The following LDLRAD4 variants were observed in gnomAD, a reference collection of about 807,000 sequenced individuals.
LDLRAD4 encodes the protein low-density lipoprotein receptor class A domain-containing protein 4.
In LDLRAD4, 5 loss-of-function variants were observed where a neutral mutation model predicts 17.0. The ratio of observed to expected loss-of-function variants is 0.29; its 90% CI spans 0.15 to 0.62. LDLRAD4 has a LOEUF of 0.62. Ranked by LOEUF, LDLRAD4 falls within the 20% of genes least tolerant of loss-of-function variation. The pLI, the probability that LDLRAD4 is intolerant of heterozygous loss-of-function variation, is 0.84. For missense variants in LDLRAD4, 340 were observed against 424.7 expected (o/e 0.80, Z 1.75); for synonymous variants, 168 against 171.8 (o/e 0.98, Z 0.17).
chr18:13,368,994 G>A (rs543488693), intron 1 of LDLRAD4, among the ~76,000 whole-genome samples: 8 of 152,142 alleles, frequency 5.3e-5, no homozygotes, highest in Non-Finnish European at 7.3e-5. Flanking sequence ...GTGAGCCACC[G>A]TGCCAGGCCA....
intron 3 of LDLRAD4, among the ~76,000 whole-genome samples, chr18:13,609,137 A>G (rs1156304300): frequency 6.6e-6 from 1 of 152,228 alleles, no homozygotes; most frequent in African/African-American, 2.4e-5. Flanking sequence ...ACACTTTCAT[A>G]TTTGTGTGTT....
intron 1 of LDLRAD4, among the ~76,000 whole-genome samples, chr18:13,352,712 G>A (rs1397545807): frequency 6.6e-6 from 1 of 151,914 alleles, no homozygotes; most frequent in Non-Finnish European, 1.5e-5. Flanking sequence ...CTCGTAACAT[G>A]TATACTTGTT....
chr18:13,250,804 A>G (rs1040466302), intron 1 of LDLRAD4, among the ~76,000 whole-genome samples: 15 of 152,238 alleles, frequency 9.9e-5, no homozygotes, highest in Admixed American at 9.2e-4. Flanking sequence ...AAACCTTTAA[A>G]GAAGAATTCA....
intron 1 of LDLRAD4, among the ~76,000 whole-genome samples, chr18:13,370,720 T>TTTTTTTTTTGTTTTG (rs2084425539): frequency 8.0e-6 from 1 of 124,582 alleles, no homozygotes; most frequent in African/African-American, 4.6e-5. Flanking sequence ...TTTGTTTTTT[T>TTTTTTTTTTGTTTTG]TTTTTTTTGA....
chr18:13,346,096 C>G (rs990105118), intron 1 of LDLRAD4, among the ~76,000 whole-genome samples: 2 of 152,124 alleles, frequency 1.3e-5, no homozygotes, highest in African/African-American at 4.8e-5. Flanking sequence ...CTGCCCTGAT[C>G]TTAGTTATTT....
intron 3 of LDLRAD4, among the ~76,000 whole-genome samples, chr18:13,496,059 CT>C (rs1307378747): frequency 3.3e-5 from 5 of 152,134 alleles, no homozygotes; most frequent in Admixed American, 2.0e-4. Context: ...GGAGATTTGG[CT>C]GCGTATAGAG....
exon 6 of LDLRAD4, chr18:13,651,786 A>G (rs1301590165): frequency 6.6e-6 from 1 of 152,232 alleles, no homozygotes; most frequent in Admixed American, 6.5e-5. Context: ...ACCAGAGTAG[A>G]GTCTAATAAA....
chr18:13,541,953 A>G (rs542978097), intron 3 of LDLRAD4, among the ~76,000 whole-genome samples: 2 of 152,182 alleles, frequency 1.3e-5, no homozygotes, highest in African/African-American at 2.4e-5. Flanking sequence ...GTACATGTCT[A>G]TGGTCCCAGC....
intron 2 of LDLRAD4, among the ~76,000 whole-genome samples, chr18:13,429,960 A>ATCCTGGG (rs61488097): frequency 5.9e-5 from 9 of 152,122 alleles, no homozygotes; most frequent in African/African-American, 1.4e-4. Flanking sequence ...GGAGGCCGGT[A>ATCCTGGG]TCCTGGGTCC....
At chr18:13,315,527 C>G (rs1261835603) in intron 1 of LDLRAD4, among the ~76,000 whole-genome samples, 1 of 152,118 alleles carries the variant, frequency 6.6e-6, no homozygotes. Context: ...GGCGTGGTGG[C>G]TCACACCAGC....
At chr18:13,289,665 G>A (rs370638667) in intron 1 of LDLRAD4, among the ~76,000 whole-genome samples, 6 of 152,306 alleles carry the variant, frequency 3.9e-5, no homozygotes, top group South Asian at 4.1e-4. Context: ...TTATGGGGCC[G>A]TCTGTCTCTA....
rs184030549 is a variant in LDLRAD4, at chr18:13,548,045, G to A, written c.182-73072G>A. Among the ~76,000 whole-genome samples, 53 of 152,260 alleles carry A rather than the reference G, an allele frequency of 3.5e-4. 1 individual carries two copies. Among genetic ancestry groups the A allele is most frequent in the Admixed American group, 9.1e-4 (14 of 15,304 alleles). ...TGACAGTATAGTTCTCATGAGTCCC[G>A]AGGTGGGTAGCTCCTATCCACAGGC... is the stretch of plus-strand genomic sequence containing the variant. On this transcript the variant is annotated intron_variant, in intron 3 of 5. Transcript: ENST00000359446.
intron 3 of LDLRAD4, chr18:13,520,352 C>G (rs941961762): frequency 1.3e-5 from 2 of 152,184 alleles, no homozygotes; most frequent in Non-Finnish European, 2.9e-5. Flanking sequence ...ACCCTAGACT[C>G]TAGGGTGATT....
intron 1 of LDLRAD4, among the ~76,000 whole-genome samples, chr18:13,238,813 A>G (rs1268410410): frequency 2.0e-5 from 3 of 152,110 alleles, no homozygotes; most frequent in Non-Finnish European, 4.4e-5. Flanking sequence ...CAGGGAGCTC[A>G]CTGAGATGCC....
intron 3 of LDLRAD4, among the ~76,000 whole-genome samples, chr18:13,529,815 G>A (rs1309453622): frequency 6.6e-6 from 1 of 152,240 alleles, no homozygotes; most frequent in East Asian, 1.9e-4. Context: ...TGTCCACAGA[G>A]TGTGTCCTCT....
At chr18:13,528,707 G>C (rs1175472087) in intron 3 of LDLRAD4, among the ~76,000 whole-genome samples, 20 of 152,186 alleles carry the variant, frequency 1.3e-4, no homozygotes, top group Non-Finnish European at 2.9e-5. Context: ...CTTTCAAAAA[G>C]AATAGTTTGC....
chr18:13,497,952 C>T (rs56234037), intron 3 of LDLRAD4, among the ~76,000 whole-genome samples: 2,810 of 150,588 alleles, frequency 0.019, 69 homozygotes, highest in African/African-American at 0.065. Flanking sequence ...GAATCCTTCT[C>T]GCCATACACG....
intron 1 of LDLRAD4, among the ~76,000 whole-genome samples, chr18:13,264,396 A>G (rs765468559): frequency 9.9e-5 from 15 of 152,252 alleles, no homozygotes; most frequent in Non-Finnish European, 1.8e-4. Context: ...TGCTTGGCCA[A>G]TGTTCAACAG....
At chr18:13,231,058 G>A (rs926415686) in intron 1 of LDLRAD4, among the ~76,000 whole-genome samples, 1 of 152,198 alleles carries the variant, frequency 6.6e-6, no homozygotes, top group East Asian at 1.9e-4. Flanking sequence ...ATCTGGTGAA[G>A]CTCATTCCTG....
Sources: allele counts gnomAD v4.1 joint callset (sites outside exome capture counted in the v4.1 genomes callset), GRCh38; gene constraint gnomAD v4.1.1; transcripts MANE v1.5; gene names NCBI Gene and HGNC (gene_info 2026-07-23, HGNC 2026-07-21).